Variants in PSD2 observed in about 807,000 individuals in gnomAD.
The protein encoded by PSD2 is pleckstrin and Sec7 domain containing 2.
A neutral mutation model predicts 69.8 loss-of-function variants in PSD2; 38 were observed. The ratio of observed to expected loss-of-function variants is 0.54; its 90% confidence interval spans 0.42 to 0.71. The LOEUF is 0.71. Ranked by LOEUF, PSD2 falls within the 30% of genes least tolerant of loss-of-function variation. PSD2 has a pLI of 0.00. For missense variants in PSD2, 943 were observed against 1,014.5 expected (o/e 0.93, Z 0.96); for synonymous variants, 412 against 423.0 (o/e 0.97, Z 0.32).
chr5:139,835,263 C>A (rs531572967), intron 8 of PSD2, among the ~76,000 whole-genome samples: 2 of 152,108 alleles, frequency 1.3e-5, no homozygotes, highest in South Asian at 4.2e-4. Context: ...TACCCTCTGT[C>A]TACCCACCCA....
chr5:139,747,343 G>A, the PSD2 span, among the ~76,000 whole-genome samples: 2 of 152,088 alleles, frequency 1.3e-5, no homozygotes, highest in African/African-American at 4.8e-5. This position sits in a 1 kb window ranked among gnomAD's most constrained non-coding sequence, Gnocchi z 6.7. Context: ...CAGAGCGGGG[G>A]TGAGAGAGGG....
chr5:139,771,519 C>T, the PSD2 span, among the ~76,000 whole-genome samples: 2 of 152,166 alleles, frequency 1.3e-5, no homozygotes, highest in Non-Finnish European at 2.9e-5. Flanking sequence ...GCTGGGACTA[C>T]AGGCGCCCGC....
chr5:139,776,599 C>G, the PSD2 span, among the ~76,000 whole-genome samples: 1 of 152,116 alleles, frequency 6.6e-6, no homozygotes, highest in Non-Finnish European at 1.5e-5. Flanking sequence ...CCCTGACCAT[C>G]CCCTCTATTC....
chr5:139,760,753 T>C, the PSD2 span, among the ~76,000 whole-genome samples: 3 of 152,152 alleles, frequency 2.0e-5, no homozygotes, highest in Non-Finnish European at 2.9e-5. Context: ...ATAGGGCTTG[T>C]GGTCTGCCTT....
At chr5:139,823,941 C>T (rs901966450) in intron 7 of PSD2, among the ~76,000 whole-genome samples, 4 of 152,186 alleles carry the variant, frequency 2.6e-5, no homozygotes, top group Admixed American at 6.5e-5. Flanking sequence ...TCAGTGCCTG[C>T]GTCAGGAAGA....
At chr5:139,804,925 G>A (rs919894937) in intron 1 of PSD2, among the ~76,000 whole-genome samples, 2 of 150,594 alleles carry the variant, frequency 1.3e-5, no homozygotes, top group Admixed American at 6.6e-5. Flanking sequence ...GTCTGTGAAC[G>A]TGTGTGTGCA....
Position 139,844,306 on chromosome 5 carries a change from A to G in PSD2, c.*1832A>G, listed in dbSNP as rs1760946288. ...CTGAGCATGGGTTGTGCCTCCCATC[A>G]GTAAAAAAATGTTTAGTTCACTTCC... On this transcript the variant is annotated 3_prime_UTR_variant, in exon 15 of 15. Coordinates refer to ENST00000274710, the MANE Select transcript of PSD2 (RefSeq NM_032289.4). 6.6e-6 allele frequency: 1 copy of G among 152,244 alleles called. No individual in the cohort carries two copies. Among genetic ancestry groups the G allele is most frequent in the Admixed American group, 6.5e-5 (1 of 15,284 alleles). The allele number at this position is 152,244 out of a possible 1,614,324, so 9.4% of individuals were successfully genotyped here.
the PSD2 span, among the ~76,000 whole-genome samples, chr5:139,755,764 CTG>C: frequency 6.6e-6 from 1 of 151,728 alleles, no homozygotes; most frequent in East Asian, 1.9e-4. Flanking sequence ...GTGTGTGAGA[CTG>C]TAACTGTTCT....
At chr5:139,753,821 T>C in the PSD2 span, among the ~76,000 whole-genome samples, 1 of 150,282 alleles carries the variant, frequency 6.7e-6, no homozygotes, top group South Asian at 2.1e-4. Flanking sequence ...CAGAGTTGTT[T>C]TTTTTTTTGT....
chr5:139,808,400 C>T (rs1259992078), intron 1 of PSD2, among the ~76,000 whole-genome samples: 1 of 152,274 alleles, frequency 6.6e-6, no homozygotes, highest in African/African-American at 2.4e-5. Flanking sequence ...GAAACAGTGG[C>T]GGTGAAGATG....
chr5:139,822,557 T>C (rs1399603842), intron 6 of PSD2, among the ~76,000 whole-genome samples, 169 bp from the exon 7 acceptor site: 1 of 152,190 alleles, frequency 6.6e-6, no homozygotes, highest in Non-Finnish European at 1.5e-5. Flanking sequence ...ACTTGGGTCC[T>C]GCAGTTGGGG....
intron 4 of PSD2, among the ~76,000 whole-genome samples, chr5:139,816,864 G>C (rs944780398): frequency 2.0e-5 from 3 of 152,160 alleles, no homozygotes; most frequent in Non-Finnish European, 2.9e-5. Context: ...ACTCTCACAC[G>C]GATGCCTCGT....
At chr5:139,808,610 C>T (rs1243732003) in intron 1 of PSD2, among the ~76,000 whole-genome samples, 36 of 152,206 alleles carry the variant, frequency 2.4e-4, no homozygotes, top group Non-Finnish European at 5.3e-4. Flanking sequence ...TCCCTCCTCG[C>T]AGCTGGGTGA....
chr5:139,750,570 G>C, the PSD2 span, among the ~76,000 whole-genome samples: 3 of 152,202 alleles, frequency 2.0e-5, no homozygotes, highest in Non-Finnish European at 4.4e-5. Flanking sequence ...TCCAGATGTG[G>C]GGCCTGCAGA....
the PSD2 span, among the ~76,000 whole-genome samples, chr5:139,788,486 C>T: frequency 6.6e-6 from 1 of 152,180 alleles, no homozygotes; most frequent in South Asian, 2.1e-4. Flanking sequence ...ATTCCTGGGA[C>T]AGGGTGGGGT....
chr5:139,780,339 T>C, the PSD2 span, among the ~76,000 whole-genome samples: 1 of 152,226 alleles, frequency 6.6e-6, no homozygotes, highest in African/African-American at 2.4e-5. Context: ...GATGAATGGA[T>C]GGATGCTCAA....
At chr5:139,832,443 G>T (rs915346709) in intron 7 of PSD2, among the ~76,000 whole-genome samples, 2 of 152,154 alleles carry the variant, frequency 1.3e-5, no homozygotes, top group Non-Finnish European at 2.9e-5. Flanking sequence ...TTGCATCATT[G>T]TTTTCTGAAT....
In PSD2 at chr5:139,809,788, A is replaced by G; in HGVS notation, c.348A>G (p.Pro116=). 6.2e-7 allele frequency: 1 copy of G among 1,614,152 alleles called. No homozygotes were observed. The highest frequency in any genetic ancestry group is 8.5e-7 in the Non-Finnish European group (1 of 1,180,026). ...EGDNASRSLY[P]DAEDPQLGLD... is the part of the protein sequence containing the mutation. Reference sequence around the variant, plus strand: ...ACAATGCTTCCAGGAGCCTCTACCCAGATGCTGAGGACCCTCAGCTGGGGT... The same window carrying G: ...ACAATGCTTCCAGGAGCCTCTACCCGGATGCTGAGGACCCTCAGCTGGGGT... The change falls in exon 2 of 15, where the codon CCA becomes CCG. Residue 116 remains proline (P), a synonymous_variant. Transcript: ENST00000274710.
At chr5:139,830,592 T>TTC (rs779474791) in intron 7 of PSD2, among the ~76,000 whole-genome samples, 1,503 of 83,560 alleles carry the variant, frequency 0.018, 42 homozygotes, top group African/African-American at 0.038. Flanking sequence ...CTTTCTTTCT[T>TTC]TTTCTTTCTT....
Sources: allele counts gnomAD v4.1 joint callset (sites outside exome capture counted in the v4.1 genomes callset), GRCh38; gene constraint gnomAD v4.1.1; non-coding constraint Gnocchi (gnomAD v3.1); transcripts MANE v1.5; gene names NCBI Gene and HGNC (gene_info 2026-07-23, HGNC 2026-07-21).